The following TMC5 variants were observed in gnomAD, a reference collection of about 807,000 sequenced individuals.
TMC5 encodes the protein transmembrane channel like 5.
TMC5 carries 86 observed loss-of-function variants against 110.5 expected under a neutral mutation model. The ratio of observed to expected loss-of-function variants is 0.78; its 90% CI spans 0.65 to 0.93. TMC5 has a LOEUF of 0.93. Among genes scored for constraint, TMC5 ranks in the 40% least tolerant of loss-of-function variants. TMC5 has a pLI of 0.00. For missense variants in TMC5, 1,144 were observed against 1,222.8 expected (o/e 0.94, Z 0.96); for synonymous variants, 455 against 439.5 (o/e 1.04, Z -0.44).
At chr16:19,416,767 G>T (rs762468700), upstream of TMC5, among the ~76,000 whole-genome samples, 2 of 152,140 alleles carry the variant, frequency 1.3e-5, no homozygotes, top group South Asian at 2.1e-4. Flanking sequence ...TGTATGGTCC[G>T]CATGTTGCCA....
rs146026607 is a variant in TMC5, at chr16:19,472,170, C to T, written c.1865C>T (p.Ala622Val). The T allele has an allele frequency of 2.4e-5, 38 of 1,614,078 alleles. No individual in the cohort carries two copies. The African/African-American group carries it at 5.1e-4, about 22-fold the overall frequency. The change falls in exon 11 of 22, where the codon GCC becomes GTC. Residue 622 changes from alanine (A) to valine (V), a missense_variant. By Grantham distance (64) the Ala-to-Val change is moderately conservative (BLOSUM62 0). Transcript: ENST00000542583. The stretch of plus-strand genomic sequence containing the variant: ...ACCCGCTTCTCTGCCTACATGGTAG[C>T]CTGGGTTGTCTCTACAGGAGTGGCC... ...LLTRFSAYMV[A>V]WVVSTGVAIA...
At chr16:19,465,041 TTCTTTCTTTCTTTCTTTTCCTTCC>T (rs1466220205) in intron 8 of TMC5, among the ~76,000 whole-genome samples, 18 of 103,572 alleles carry the variant, frequency 1.7e-4, no homozygotes, top group African/African-American at 6.6e-4. Context: ...CTTTCTTTCT[TTCTTTCTTTCTTTCTTTTCCTTCC>T]TTCCTTCCTT....
intron 18 of TMC5, 105 bp from the exon 19 acceptor site, chr16:19,492,045 C>T (rs1968920929): frequency 4.5e-6 from 4 of 890,804 alleles, no homozygotes; most frequent in Non-Finnish European, 7.2e-6. Context: ...ATGTTTGGGC[C>T]AAATCCATCT....
chr16:19,481,442 G>C lies in TMC5; in HGVS notation c.2340G>C (p.Leu780=), dbSNP rs1424676763. 2.5e-6 allele frequency: 4 copies of C among 1,613,886 alleles called. No homozygotes were observed. The Admixed American group carries it at 5.0e-5, about 20-fold the overall frequency. The change falls in exon 15 of 22, where the codon CTG becomes CTC. Residue 780 remains leucine, a synonymous_variant. Transcript: ENST00000542583. Reference sequence around the variant, plus strand: ...ACATTGCCAGGAACGTTCTAGAACTGATCTATGCACAAACTCTGGTGTGGT... The same window carrying C: ...ACATTGCCAGGAACGTTCTAGAACTCATCTATGCACAAACTCTGGTGTGGT... The part of the protein sequence containing the change: ...EFDIARNVLE[L]IYAQTLVWIG...
At chr16:19,465,985 G>C (rs2143606690) in intron 8 of TMC5, 97 bp from the exon 9 acceptor site, 2 of 1,340,810 alleles carry the variant, frequency 1.5e-6, no homozygotes, top group Non-Finnish European at 2.0e-6. Context: ...ACTGGCCCAG[G>C]CTTCTTGTAT....
chr16:19,455,564 T>C (rs1305417240), intron 5 of TMC5, among the ~76,000 whole-genome samples: 1 of 152,178 alleles, frequency 6.6e-6, no homozygotes, highest in Non-Finnish European at 1.5e-5. Flanking sequence ...CTACCATCCT[T>C]AGCAGGTGAA....
At chr16:19,428,956 G>A (rs1967141684) in intron 1 of TMC5, among the ~76,000 whole-genome samples, 1 of 152,108 alleles carries the variant, frequency 6.6e-6, no homozygotes, top group Non-Finnish European at 1.5e-5. Flanking sequence ...CTCCCAAGTA[G>A]TTGGGATTAC....
At position 19,487,243 on chromosome 16, in the gene TMC5, A is replaced by G. The variant is rs34170384; in HGVS notation, c.2490A>G (p.Ser830=). 92,286 of 1,614,016 alleles carry G rather than the reference A, an allele frequency of 0.057. 3,125 individuals are homozygous for G. The highest frequency in any genetic ancestry group is 0.069 in the Non-Finnish European group (81,472 of 1,179,948). The change falls in exon 17 of 22, where the codon TCA becomes TCG. Residue 830 remains serine, a synonymous_variant. Coordinates refer to ENST00000542583, the MANE Select transcript of TMC5 (RefSeq NM_001261841.2). ...FQPPSKAWRA[S]QMMTFFIFLL... is the part of the protein sequence containing the mutation. ...CTCCGAGCAAAGCCTGGCGGGCCTC[A>G]CAGATGATGACTTTCTTCATCTTCT...
At chr16:19,429,653 A>G (rs1055495030) in intron 1 of TMC5, among the ~76,000 whole-genome samples, 2 of 152,244 alleles carry the variant, frequency 1.3e-5, no homozygotes, top group Non-Finnish European at 1.5e-5. Context: ...GCCTGCAAAA[A>G]GAATGGGAGC....
At chr16:19,483,038 A>T (rs1372662427) in intron 15 of TMC5, among the ~76,000 whole-genome samples, 2 of 151,956 alleles carry the variant, frequency 1.3e-5, no homozygotes, top group East Asian at 3.9e-4. Flanking sequence ...TAATTTTTGT[A>T]TTAGTAGAGA....
Position 19,481,603 on chromosome 16 carries a change from A to G in TMC5, c.2363+138A>G. 3 of 669,862 alleles carry G rather than the reference A, an allele frequency of 4.5e-6. No homozygotes were observed. The East Asian group carries it at 8.0e-5, about 18-fold the overall frequency. The allele number at this position is 669,862 out of a possible 1,614,324, so 41.5% of individuals were successfully genotyped here. On this transcript the variant is annotated intron_variant, in intron 15 of 21. Coordinates refer to ENST00000542583, the MANE Select transcript of TMC5 (RefSeq NM_001261841.2). ...CCATCCAGCCAGTCTGAGAACCATGAATTTAGCATTTAGACTATCATTTTC... is the reference window on the plus strand; with the variant it reads ...CCATCCAGCCAGTCTGAGAACCATGGATTTAGCATTTAGACTATCATTTTC...
intron 15 of TMC5, among the ~76,000 whole-genome samples, chr16:19,482,627 T>G (rs1356779833): frequency 6.6e-6 from 1 of 152,166 alleles, no homozygotes; most frequent in African/African-American, 2.4e-5. Flanking sequence ...AACTTTACTT[T>G]GCATCCATGT....
rs771688359 is a variant in TMC5 at position 19,440,387 on chromosome 16, C to T, written c.349C>T (p.Pro117Ser). The T allele has an allele frequency of 9.9e-6, 16 of 1,613,936 alleles. No homozygotes were observed. Among genetic ancestry groups the T allele is most frequent in the Admixed American group, 1.7e-5 (1 of 60,000 alleles). ...AGATTATAGTGAATTTCAGAGTCAT[C>T]CCTACCACCGAGCATCATCCAGACA... ...EPDYSEFQSHPYHRASSRQPD... is the reference protein window; with the variant it reads ...EPDYSEFQSHSYHRASSRQPD... The change falls in exon 3 of 22, where the codon CCC (proline) becomes TCC (serine). Residue 117 changes from proline (P) to serine (S), a missense_variant. Transcript: ENST00000542583.
At chr16:19,411,464 C>T (rs1276457695) in intron 1 of TMC5, 2 of 152,164 alleles carry the variant, frequency 1.3e-5, no homozygotes, top group African/African-American at 4.8e-5. Flanking sequence ...GATCCAGTTT[C>T]AGACAGTTAA....
rs771140416 is a variant in TMC5 at position 19,469,719 on chromosome 16, A to G, written c.1676A>G (p.His559Arg). Residue 559 changes from histidine (H) to arginine (R), a missense_variant, in exon 10 of 22, where the codon CAC becomes CGC. By Grantham distance (29) the His-to-Arg change is conservative. Transcript: ENST00000542583. The part of the protein sequence containing the change: ...KYFRNNFINP[H>R]IYSGGITKLI... ...TTCCGGAACAACTTCATTAATCCCC[A>G]CATTTACTCCGGAGGGATCACCAAG... 6.2e-7 allele frequency: 1 copy of G among 1,614,024 alleles called. No homozygotes were observed. Among genetic ancestry groups the G allele is most frequent in the East Asian group, 2.2e-5 (1 of 44,856 alleles).
intron 12 of TMC5, among the ~76,000 whole-genome samples, chr16:19,475,516 C>T (rs532995687): frequency 7.9e-5 from 12 of 152,236 alleles, no homozygotes; most frequent in Admixed American, 6.5e-4. Context: ...CTGTGAGATC[C>T]GGCTCCCGGC....
At chr16:19,482,494 G>T (rs1259491068) in intron 15 of TMC5, among the ~76,000 whole-genome samples, 1 of 152,148 alleles carries the variant, frequency 6.6e-6, no homozygotes, top group Non-Finnish European at 1.5e-5. Context: ...GAAACATCTG[G>T]CTTCTCTCCA....
intron 18 of TMC5, among the ~76,000 whole-genome samples, chr16:19,491,065 T>C (rs1186698866): frequency 6.6e-6 from 1 of 150,946 alleles, no homozygotes; most frequent in Non-Finnish European, 1.5e-5. Flanking sequence ...GGCTAGACTG[T>C]AGCGGCATGG....
At position 19,485,267 on chromosome 16, in the gene TMC5, G is replaced by A. The variant is rs564829160; in HGVS notation, c.2364-1678G>A. On this transcript the variant is annotated intron_variant, in intron 15 of 21. Coordinates refer to ENST00000542583, the MANE Select transcript of TMC5 (RefSeq NM_001261841.2). ...AAACCCTGTGAGTAGGTACTAGTAC[G>A]TCCACCATTTAAAGATTAGAAAACT... Among the ~76,000 whole-genome samples, 5 of 151,980 alleles carry A rather than the reference G, an allele frequency of 3.3e-5. No homozygotes were observed. The East Asian group carries it at 7.7e-4, about 23-fold the overall frequency.
Sources: gnomAD v4.1 joint callset for allele counts (sites outside exome capture counted in the v4.1 genomes callset) on GRCh38, gnomAD v4.1.1 for gene constraint, MANE v1.5 for transcripts, NCBI Gene and HGNC (gene_info 2026-07-23, HGNC 2026-07-21) for gene names.